CDH3: variants seen among roughly 807,000 people sequenced by gnomAD.
The protein encoded by CDH3 is cadherin 3, also known as cadherin-3.
Under a neutral mutation model 82.0 loss-of-function variants are expected in CDH3, and 54 were observed. That is an observed-to-expected ratio of 0.66 (90% confidence interval 0.53 to 0.83). CDH3 has a LOEUF of 0.83. CDH3 is among the 40% of genes least tolerant of loss of function. CDH3 has a pLI of 0.00. For missense variants in CDH3, 1,054 were observed against 1,084.6 expected, an observed-to-expected ratio of 0.97 and a Z score of 0.40; for synonymous variants, 446 against 437.9, an observed-to-expected ratio of 1.02 and a Z score of -0.23.
chr16:68,645,376 A>G lies in CDH3; in HGVS notation c.-4A>G, dbSNP rs1445427672. ...GCAGCTGCTTCACCCCTCTCTCTGC[A>G]GCCATGGGGCTCCCTCGTGGACCTC... On this transcript the variant is annotated 5_prime_UTR_variant, in exon 1 of 16. Coordinates refer to ENST00000264012, the MANE Select transcript of CDH3 (RefSeq NM_001793.6). 1.2e-6 allele frequency: 2 copies of G among 1,613,270 alleles called. No homozygotes were observed. The highest frequency in any genetic ancestry group is 1.1e-5 in the South Asian group (1 of 91,044).
At chr16:68,648,336 G>A (rs991263908) in intron 2 of CDH3, among the ~76,000 whole-genome samples, 15 of 152,104 alleles carry the variant, frequency 9.9e-5, no homozygotes, top group Admixed American at 9.8e-4. Context: ...TGACAACCTT[G>A]TGAAGGGCGG....
intron 1 of CDH3, among the ~76,000 whole-genome samples, chr16:68,719,880 G>A (rs909883008): frequency 6.6e-6 from 1 of 152,120 alleles, no homozygotes; most frequent in African/African-American, 2.4e-5. Context: ...TTGGCCAGAT[G>A]CAGTGGCTCA....
chr16:68,678,166 G>A lies in CDH3; in HGVS notation c.279G>A (p.Leu93=). ...ERRSLKERNP[L]KIFPSKRILR... ...GGTCACTGAAGGAAAGGAATCCATT[G>A]AAGATCTTCCCATCCAAACGTATCT... The change falls in exon 4 of 16, where the codon TTG becomes TTA. Residue 93 remains leucine, a synonymous_variant. Coordinates refer to ENST00000264012, the MANE Select transcript of CDH3 (RefSeq NM_001793.6). The A allele has an allele frequency of 6.2e-7, 1 of 1,613,966 alleles. No individual in the cohort carries two copies. The highest frequency in any genetic ancestry group is 8.5e-7 in the Non-Finnish European group (1 of 1,179,848).
chr16:68,660,638 G>A (rs1240999814), intron 2 of CDH3, among the ~76,000 whole-genome samples: 3 of 152,124 alleles, frequency 2.0e-5, no homozygotes, highest in Non-Finnish European at 4.4e-5. Context: ...CAGGGTGGTT[G>A]CATTTATATA....
intron 2 of CDH3, among the ~76,000 whole-genome samples, chr16:68,659,703 A>C (rs1168328766): frequency 1.3e-5 from 2 of 152,128 alleles, no homozygotes; most frequent in African/African-American, 2.4e-5. Flanking sequence ...CCAAAAAATA[A>C]ATAAAGAGAA....
intron 2 of CDH3, among the ~76,000 whole-genome samples, chr16:68,658,695 G>A (rs1234891672): frequency 3.9e-5 from 6 of 152,008 alleles, no homozygotes; most frequent in Admixed American, 2.6e-4. Context: ...CTGTAGAGTC[G>A]CTTCATCCAG....
intron 15 of CDH3, 67 bp downstream of exon 15, chr16:68,695,990 C>T: frequency 1.3e-6 from 2 of 1,546,668 alleles, no homozygotes; most frequent in Non-Finnish European, 1.8e-6. Context: ...CACAGGAGAA[C>T]AAGCATGGGC....
intron 2 of CDH3, among the ~76,000 whole-genome samples, chr16:68,668,226 G>T (rs1960790907): frequency 6.6e-6 from 1 of 152,290 alleles, no homozygotes; most frequent in South Asian, 2.1e-4. Context: ...ATTGCCCCAT[G>T]TGCTCATCAT....
chr16:68,661,449 T>C (rs1167834468), intron 2 of CDH3, among the ~76,000 whole-genome samples: 1 of 152,224 alleles, frequency 6.6e-6, no homozygotes, highest in Non-Finnish European at 1.5e-5. Flanking sequence ...ATGTAGTGAG[T>C]ACATCAATGT....
intron 11 of CDH3, among the ~76,000 whole-genome samples, chr16:68,687,301 TG>T (rs375875388): frequency 2.2e-4 from 33 of 152,286 alleles, no homozygotes; most frequent in African/African-American, 7.7e-4. Flanking sequence ...GCTGTCTGGA[TG>T]AAGTGGCTGC....
intron 1 of CDH3, among the ~76,000 whole-genome samples, chr16:68,719,109 G>A (rs1351947954): frequency 2.0e-5 from 3 of 151,970 alleles, no homozygotes; most frequent in African/African-American, 7.3e-5. Context: ...GGGCGTGGTG[G>A]TGCACGCCTG....
chr16:68,693,843 T>C (rs753560425), intron 13 of CDH3, among the ~76,000 whole-genome samples: 1 of 152,142 alleles, frequency 6.6e-6, no homozygotes, highest in African/African-American at 2.4e-5. Context: ...AATACAGGGT[T>C]AACTGTGTGT....
At chr16:68,717,868 C>T (rs1338767343) in intron 1 of CDH3, among the ~76,000 whole-genome samples, 2 of 152,168 alleles carry the variant, frequency 1.3e-5, no homozygotes, top group Non-Finnish European at 2.9e-5. Context: ...TCCACCTCCA[C>T]TTTTCCCCAT....
chr16:68,731,505 C>G, downstream of CDH3, among the ~76,000 whole-genome samples: 1 of 46,590 alleles, frequency 2.1e-5, no homozygotes, highest in Non-Finnish European at 5.5e-5. Flanking sequence ...TATATATACA[C>G]ACACACATAT....
At chr16:68,678,385 C>G (rs759395380) in intron 4 of CDH3, 108 bp downstream of exon 4, 2 of 1,581,384 alleles carry the variant, frequency 1.3e-6, no homozygotes, top group East Asian at 2.2e-5. Context: ...ACAGAAAAAC[C>G]TCTCCTGTTC....
At chr16:68,675,902 G>A (rs755989627) in intron 2 of CDH3, among the ~76,000 whole-genome samples, 17 of 152,142 alleles carry the variant, frequency 1.1e-4, no homozygotes, top group Non-Finnish European at 2.2e-4. Flanking sequence ...TTACTAACTC[G>A]GAGTGCTTGT....
At chr16:68,670,006 G>A (rs1960841810) in intron 2 of CDH3, among the ~76,000 whole-genome samples, 1 of 151,938 alleles carries the variant, frequency 6.6e-6, no homozygotes, top group Admixed American at 6.6e-5. Flanking sequence ...CAAGGTGGGT[G>A]GATCACTTGA....
chr16:68,690,611 T>TA (rs1056196291), intron 12 of CDH3, among the ~76,000 whole-genome samples: 16 of 132,694 alleles, frequency 1.2e-4, no homozygotes, highest in South Asian at 2.4e-4. Flanking sequence ...AGACTCTGTC[T>TA]AAAAAAAAAA....
intron 1 of CDH3, among the ~76,000 whole-genome samples, chr16:68,714,865 C>G (rs1390059569): frequency 6.6e-6 from 1 of 152,042 alleles, no homozygotes; most frequent in African/African-American, 2.4e-5. Context: ...AAAAATTAGC[C>G]AGGCATGGTG....
Sources: allele counts gnomAD v4.1 joint callset (sites outside exome capture counted in the v4.1 genomes callset), GRCh38; gene constraint gnomAD v4.1.1; transcripts MANE v1.5; gene names NCBI Gene and HGNC (gene_info 2026-07-23, HGNC 2026-07-21).